Variants in DHX34 observed in about 807,000 individuals in gnomAD.
DHX34 encodes the protein probable ATP-dependent RNA helicase DHX34.
DHX34 carries 96 observed loss-of-function variants against 111.1 expected under a neutral mutation model. The observed-to-expected ratio is 0.86, with a 90% confidence interval of 0.73 to 1.02. The LOEUF is 1.02. DHX34 is among the 50% of genes least tolerant of loss of function. DHX34 has a pLI of 0.00. For synonymous variants in DHX34, 688 were observed against 670.4 expected, an observed-to-expected ratio of 1.03 and a Z score of -0.41; for missense variants, 1,560 against 1,579.9, an observed-to-expected ratio of 0.99 and a Z score of 0.21.
chr19:47,373,412 C>G, intron 8 of DHX34, 187 bp from the exon 9 acceptor site: 1 of 930,186 alleles, frequency 1.1e-6, no homozygotes, highest in Non-Finnish European at 1.3e-6. Flanking sequence ...CCCAGCGGGG[C>G]ATCTAACCCA....
Position 47,375,541 on chromosome 19 carries a change from CAGCGCCGGG to C in DHX34, c.2150_2158del (p.Glu717_Arg719del), listed in dbSNP as rs1179271865. The C allele has an allele frequency of 2.6e-6, 4 of 1,557,234 alleles. No individual in the cohort carries two copies. Among genetic ancestry groups the C allele is most frequent in the Admixed American group, 1.9e-5 (1 of 52,748 alleles). On this transcript the variant is annotated inframe_deletion, in exon 10 of 17. Transcript: ENST00000328771. ...AGGGGACAGCTACAGTCGGTTGCAG[CAGCGCCGGG>C]AGCGCCGGGCCCTGCACCAGCTGAA...
intron 5 of DHX34, among the ~76,000 whole-genome samples, chr19:47,361,721 G>A (rs959331447): frequency 2.6e-5 from 4 of 152,146 alleles, no homozygotes; most frequent in South Asian, 2.1e-4. Context: ...AGAGTGAGCC[G>A]AGATTGTGCC....
intron 7 of DHX34, among the ~76,000 whole-genome samples, chr19:47,367,478 A>T (rs1969827148): frequency 6.6e-6 from 1 of 152,198 alleles, no homozygotes; most frequent in South Asian, 2.1e-4. Context: ...GGGGAGTTGC[A>T]GTTTGTAATA....
In DHX34 at chr19:47,376,539, A is replaced by G; in HGVS notation, c.2578A>G (p.Ser860Gly). Residue 860 changes from serine to glycine, a missense_variant, in exon 12 of 17, where the codon AGC (serine) becomes GGC (glycine). Coordinates refer to ENST00000328771, the MANE Select transcript of DHX34 (RefSeq NM_014681.6). ...EVLHAQELEA[S>G]NCDGSRDDKD... Reference sequence around the variant, plus strand: ...GCTGCACGCACAGGAGCTGGAGGCCAGCAACTGCGACGGAAGCCGAGGTAC... The same window carrying G: ...GCTGCACGCACAGGAGCTGGAGGCCGGCAACTGCGACGGAAGCCGAGGTAC... The G allele has an allele frequency of 1.3e-6, 2 of 1,571,308 alleles. No individual in the cohort carries two copies. The highest frequency in any genetic ancestry group is 1.7e-6 in the Non-Finnish European group (2 of 1,158,872).
In DHX34 at chr19:47,382,421, C is replaced by T. The variant is rs1340491191; in HGVS notation, c.*308C>T. 6.1e-6 allele frequency: 2 copies of T among 327,278 alleles called. No homozygotes were observed. The highest frequency in any genetic ancestry group is 1.1e-5 in the Non-Finnish European group (2 of 176,506). The allele number at this position is 327,278 out of a possible 1,614,324, so 20.3% of individuals were successfully genotyped here. On this transcript the variant is annotated 3_prime_UTR_variant, in exon 17 of 17. Coordinates refer to ENST00000328771, the MANE Select transcript of DHX34 (RefSeq NM_014681.6). ...GGAGGGGCGTTAGAGCCAGCAGGGACCTCCCATGTCTCCAGATTCCAGGTG... is the reference window on the plus strand; with the variant it reads ...GGAGGGGCGTTAGAGCCAGCAGGGATCTCCCATGTCTCCAGATTCCAGGTG...
intron 16 of DHX34, 152 bp downstream of exon 16, chr19:47,381,476 C>A: frequency 8.4e-7 from 1 of 1,186,942 alleles, no homozygotes; most frequent in Non-Finnish European, 1.2e-6. Flanking sequence ...AGGCCTTGTC[C>A]TGAAGATCAG....
rs778744073 is a variant in DHX34 at position 47,373,650 on chromosome 19, A to G, written c.2014A>G (p.Ile672Val). 1.9e-6 allele frequency: 3 copies of G among 1,614,032 alleles called. No individual in the cohort carries two copies. Among genetic ancestry groups the G allele is most frequent in the South Asian group, 1.1e-5 (1 of 91,084 alleles). ...TCGCAAGTGGTGCCGCCGCCGGGGC[A>G]TAGAGGAGCATCGACTGTACGAAAT... is the stretch of plus-strand genomic sequence containing the variant. The part of the protein sequence containing the change: ...NSRKWCRRRG[I>V]EEHRLYEMAN... Residue 672 changes from isoleucine (I) to valine (V), a missense_variant, in exon 9 of 17, where the codon ATA becomes GTA. Coordinates refer to ENST00000328771, the MANE Select transcript of DHX34 (RefSeq NM_014681.6).
Position 47,376,026 on chromosome 19 carries a change from C to T in DHX34, c.2410C>T (p.Leu804=). 10 of 1,605,052 alleles carry T rather than the reference C, an allele frequency of 6.2e-6. No homozygotes were observed. The highest frequency in any genetic ancestry group is 8.5e-6 in the Non-Finnish European group (10 of 1,177,150). The change falls in exon 11 of 17, where the codon CTG becomes TTG. Residue 804 remains leucine, a synonymous_variant. Coordinates refer to ENST00000328771, the MANE Select transcript of DHX34 (RefSeq NM_014681.6). Reference sequence around the variant, plus strand: ...GCAGCTGGCTCTGCTGAAGCTGGTGCTGGGCCGGGGCCTGTACCCACAGCT... The same window carrying T: ...GCAGCTGGCTCTGCTGAAGCTGGTGTTGGGCCGGGGCCTGTACCCACAGCT... ...REQLALLKLV[L]GRGLYPQLAV...
chr19:47,353,777 C>A lies in DHX34; in HGVS notation c.705+42C>A. On this transcript the variant is annotated intron_variant, in intron 2 of 16. Coordinates refer to ENST00000328771, the MANE Select transcript of DHX34 (RefSeq NM_014681.6). The surrounding 1 kb of genome is among the most constrained non-coding windows in gnomAD (Gnocchi z 4.6). ...AGGTTTCCGATTTTTCCAGCGTGAC[C>A]TTGGGGGAATAGGTTGCTTGTCCAT... is the stretch of plus-strand genomic sequence containing the variant. 6.8e-7 allele frequency: 1 copy of A among 1,479,224 alleles called. No individual in the cohort carries two copies. Among genetic ancestry groups the A allele is most frequent in the Middle Eastern group, 2.3e-4 (1 of 4,304 alleles). The allele number at this position is 1,479,224 out of a possible 1,614,324, so 91.6% of individuals were successfully genotyped here.
intron 16 of DHX34, 121 bp downstream of exon 16, chr19:47,381,445 G>T: frequency 1.4e-6 from 2 of 1,405,416 alleles, no homozygotes; most frequent in Non-Finnish European, 1.9e-6. Flanking sequence ...CCACCCGCTG[G>T]CCCTGGCTGG....
chr19:47,369,787 G>A (rs1969910532), intron 7 of DHX34, among the ~76,000 whole-genome samples: 1 of 152,194 alleles, frequency 6.6e-6, no homozygotes, highest in South Asian at 2.1e-4. Flanking sequence ...AATGGGAAGT[G>A]TTTAAGTGGA....
intron 1 of DHX34, among the ~76,000 whole-genome samples, chr19:47,349,775 A>C (rs1005948541): frequency 2.6e-5 from 4 of 152,064 alleles, no homozygotes; most frequent in Admixed American, 6.6e-5. Flanking sequence ...TGGACACTAG[A>C]AACAGAAAAA....
rs1407460868 is a variant in DHX34, at chr19:47,376,528, A to C, written c.2567A>C (p.Glu856Ala). 1 of 1,581,914 alleles carries C rather than the reference A, an allele frequency of 6.3e-7. No individual in the cohort carries two copies. Among genetic ancestry groups the C allele is most frequent in the South Asian group, 1.2e-5 (1 of 86,954 alleles). Residue 856 changes from glutamate (E) to alanine (A), a missense_variant, in exon 12 of 17, where the codon GAG becomes GCG. Coordinates refer to ENST00000328771, the MANE Select transcript of DHX34 (RefSeq NM_014681.6). The part of the protein sequence containing the change: ...AGSPEVLHAQ[E>A]LEASNCDGSR... ...AGCCCCGAGGTGCTGCACGCACAGG[A>C]GCTGGAGGCCAGCAACTGCGACGGA...
chr19:47,360,911 C>T (rs1430122019), intron 5 of DHX34, among the ~76,000 whole-genome samples: 1 of 151,852 alleles, frequency 6.6e-6, no homozygotes, highest in Non-Finnish European at 1.5e-5. Context: ...ACCTCAAGTG[C>T]TGCCTGCCTC....
rs1334483058 is a variant in DHX34, at chr19:47,358,104, T to G, written c.1256T>G (p.Val419Gly). Residue 419 changes from valine to glycine, a missense_variant, in exon 4 of 17, where the codon GTG becomes GGG. Transcript: ENST00000328771. ...VVLPLHSALS[V>G]ADQDKVFDVA... ...CTGCCACTGCACAGCGCCCTGTCTG[T>G]GGCCGACCAGGACAAGGTATCACAG... is the stretch of plus-strand genomic sequence containing the variant. 1.9e-6 allele frequency: 3 copies of G among 1,608,290 alleles called. No homozygotes were observed. Among genetic ancestry groups the G allele is most frequent in the Non-Finnish European group, 2.6e-6 (3 of 1,175,856 alleles).
chr19:47,362,637 G>A lies in DHX34; in HGVS notation c.1537G>A (p.Ala513Thr), dbSNP rs748916222. The A allele has an allele frequency of 1.9e-5, 30 of 1,613,564 alleles. No individual in the cohort carries two copies. Among genetic ancestry groups the A allele is most frequent in the South Asian group, 1.3e-4 (12 of 91,054 alleles). ...LYAESDYDAF[A>T]PYPVPEIRRV... ...TGCCGAATCGGACTATGATGCCTTC[G>A]CCCCCTACCCCGTCCCAGAAATTCG... The change falls in exon 6 of 17, where the codon GCC (alanine) becomes ACC (threonine). Residue 513 changes from alanine (A) to threonine (T), a missense_variant. By Grantham distance (58) the Ala-to-Thr change is moderately conservative. Transcript: ENST00000328771.
In DHX34 at chr19:47,375,631, G is replaced by A. The variant is rs773876357; in HGVS notation, c.2230G>A (p.Glu744Lys). The A allele has an allele frequency of 6.4e-7, 1 of 1,552,376 alleles. No individual in the cohort carries two copies. Among genetic ancestry groups the A allele is most frequent in the Admixed American group, 2.0e-5 (1 of 50,928 alleles). Residue 744 changes from glutamate to lysine, a missense_variant, in exon 10 of 17, where the codon GAG becomes AAG. Coordinates refer to ENST00000328771, the MANE Select transcript of DHX34 (RefSeq NM_014681.6). ...GCGCAAGGTGCTGCGGCTGCAGGAGGAGCAGGACGGCGGCTCCAGTGACGA... is the reference window on the plus strand; with the variant it reads ...GCGCAAGGTGCTGCGGCTGCAGGAGAAGCAGGACGGCGGCTCCAGTGACGA... ...RRRKVLRLQE[E>K]QDGGSSDEDR...
chr19:47,372,720 G>A lies in DHX34; in HGVS notation c.1769-10G>A, dbSNP rs759033509. The A allele has an allele frequency of 7.6e-5, 120 of 1,569,408 alleles. No homozygotes were observed. Among genetic ancestry groups the A allele is most frequent in the Non-Finnish European group, 9.3e-5 (108 of 1,155,242 alleles). On this transcript the variant is annotated splice_polypyrimidine_tract_variant and intron_variant, in intron 7 of 16. Coordinates refer to ENST00000328771, the MANE Select transcript of DHX34 (RefSeq NM_014681.6). Reference sequence around the variant, plus strand: ...ACCCAGGAGCCTCAACCCCGTGTCCGCCGCTGCAGGGAAGATGCTGATCCT... The same window carrying A: ...ACCCAGGAGCCTCAACCCCGTGTCCACCGCTGCAGGGAAGATGCTGATCCT...
Position 47,376,136 on chromosome 19 carries a change from A to G in DHX34, c.2481+39A>G, listed in dbSNP as rs745878568. On this transcript the variant is annotated intron_variant, in intron 11 of 16. Coordinates refer to ENST00000328771, the MANE Select transcript of DHX34 (RefSeq NM_014681.6). ...TGCCCCATCCTATGTTTTGTCCTCC[A>G]ACACACGAACCCTGAGTGCCTGTCC... 11 of 1,522,140 alleles carry G rather than the reference A, an allele frequency of 7.2e-6. No individual in the cohort carries two copies. The Admixed American group carries it at 1.1e-4, about 15-fold the overall frequency. 94.3% of individuals were successfully genotyped at this position (1,522,140 alleles called of 1,614,324 possible).
Sources: allele counts gnomAD v4.1 joint callset (sites outside exome capture counted in the v4.1 genomes callset), GRCh38; gene constraint gnomAD v4.1.1; non-coding constraint Gnocchi (gnomAD v3.1); transcripts MANE v1.5; gene names NCBI Gene and HGNC (gene_info 2026-07-23, HGNC 2026-07-21).